Variants in MYO7A observed in about 807,000 individuals in gnomAD.
MYO7A encodes unconventional myosin-VIIa.
In MYO7A, 210 loss-of-function variants were observed where a neutral mutation model predicts 263.8. That is an observed-to-expected ratio of 0.80 (90% CI 0.71 to 0.89). The LOEUF (loss-of-function observed/expected upper bound fraction) is 0.89, where lower values mean the gene tolerates loss of function less well. Among genes scored for constraint, MYO7A ranks in the 40% least tolerant of loss-of-function variants. The pLI, the probability that MYO7A is intolerant of heterozygous loss-of-function variation, is 0.00. For synonymous variants in MYO7A, 1,239 were observed against 1,197.3 expected, an observed-to-expected ratio of 1.03 and a Z score of -0.72; for missense variants, 2,820 against 2,968.3, an observed-to-expected ratio of 0.95 and a Z score of 1.16.
chr11:77,181,523 G>A lies in MYO7A; in HGVS notation c.2838G>A (p.Met946Ile), dbSNP rs782311091. Residue 946 changes from methionine (M) to isoleucine (I), a missense_variant, in exon 23 of 49, where the codon ATG becomes ATA. Physicochemically the swap from Met to Ile is conservative, Grantham distance 10. Transcript: ENST00000409709. Reference sequence around the variant, plus strand: ...ATCACTCAGACATGGTGGACAAGATGTTTGGCTTCCTGGGGACTTCAGGTG... The same window carrying A: ...ATCACTCAGACATGGTGGACAAGATATTTGGCTTCCTGGGGACTTCAGGTG... ...PVNHSDMVDK[M>I]FGFLGTSGGL... The A allele has an allele frequency of 7.4e-6, 12 of 1,613,456 alleles. No individual in the cohort carries two copies. The highest frequency in any genetic ancestry group is 1.3e-5 in the African/African-American group (1 of 74,942).
intron 27 of MYO7A, among the ~76,000 whole-genome samples, chr11:77,188,494 C>T (rs1003267852): frequency 2.0e-5 from 3 of 151,948 alleles, no homozygotes; most frequent in Admixed American, 1.3e-4. Flanking sequence ...TAATCCCAGC[C>T]ATCCTTTGGG....
intron 1 of MYO7A, among the ~76,000 whole-genome samples, chr11:77,128,810 T>A (rs1950682289): frequency 6.6e-6 from 1 of 152,092 alleles, no homozygotes; most frequent in African/African-American, 2.4e-5. Context: ...AAGAGTCCGT[T>A]CTCTCTGTCT....
rs1955305633 is a variant in MYO7A, at chr11:77,182,337, CCAG to C, written c.3109-85_3109-83del. The C allele has an allele frequency of 9.5e-6, 14 of 1,475,000 alleles. No individual in the cohort carries two copies. In the East Asian group the frequency reaches 3.4e-4, roughly 36 times the overall value. The allele number at this position is 1,475,000 out of a possible 1,614,324, so 91.4% of individuals were successfully genotyped here. Reference sequence around the variant, plus strand: ...GCTGACCATGCGGGAGGGGGTGTCTCCAGCCCACTCCCCAAACCGCCAGGTCAT... The same window carrying C: ...GCTGACCATGCGGGAGGGGGTGTCTCCCCACTCCCCAAACCGCCAGGTCAT... On this transcript the variant is annotated intron_variant, in intron 24 of 48. Coordinates refer to ENST00000409709, the MANE Select transcript of MYO7A (RefSeq NM_000260.4).
chr11:77,179,632 G>T, intron 20 of MYO7A, 103 bp from the exon 21 acceptor site: 1 of 1,029,460 alleles, frequency 9.7e-7, no homozygotes, highest in African/African-American at 1.6e-5. Flanking sequence ...CCTTCTGGGG[G>T]TGCCTGTCTG....
intron 33 of MYO7A, among the ~76,000 whole-genome samples, chr11:77,198,044 C>G (rs1310473359): frequency 3.3e-5 from 5 of 152,248 alleles, no homozygotes; most frequent in African/African-American, 1.2e-4. Flanking sequence ...CCCTGCTGGG[C>G]CGACTCTGTG....
At chr11:77,170,827 G>A (rs1009848708) in intron 15 of MYO7A, among the ~76,000 whole-genome samples, 14 of 152,164 alleles carry the variant, frequency 9.2e-5, no homozygotes, top group African/African-American at 2.9e-4. Flanking sequence ...TGGAGGAAGT[G>A]GTGAGGGGTC....
Position 77,182,669 on chromosome 11 carries a change from C to G in MYO7A, c.3285+69C>G, listed in dbSNP as rs1955344471. 5.2e-6 allele frequency: 8 copies of G among 1,523,972 alleles called. No homozygotes were observed. In the East Asian group the frequency reaches 1.6e-4, roughly 30 times the overall value. The allele number at this position is 1,523,972 out of a possible 1,614,324, so 94.4% of individuals were successfully genotyped here. On this transcript the variant is annotated intron_variant, in intron 25 of 48. Coordinates refer to ENST00000409709, the MANE Select transcript of MYO7A (RefSeq NM_000260.4). ...CAAGGAGGGCCGCTGGCATCACCAGCCTTGGGCTCCTCTGCAGAAAAAGGA... is the reference window on the plus strand; with the variant it reads ...CAAGGAGGGCCGCTGGCATCACCAGGCTTGGGCTCCTCTGCAGAAAAAGGA...
At position 77,192,036 on chromosome 11, in the gene MYO7A, C is replaced by T. The variant is rs765597176; in HGVS notation, c.3925-15C>T. ...CCTGACTCTGTGCCTGCTCCCCTCC[C>T]CTCTGTGCCCACAGGTGTCCTCCCT... is the stretch of plus-strand genomic sequence containing the variant. On this transcript the variant is annotated splice_polypyrimidine_tract_variant and intron_variant, in intron 30 of 48. Transcript: ENST00000409709. 1.7e-5 allele frequency: 28 copies of T among 1,607,260 alleles called. No homozygotes were observed. In the East Asian group the frequency reaches 2.7e-4, roughly 15 times the overall value.
In MYO7A at chr11:77,197,421, T is replaced by C. The variant is rs878933473; in HGVS notation, c.4324-60T>C. On this transcript the variant is annotated intron_variant, in intron 32 of 48. Coordinates refer to ENST00000409709, the MANE Select transcript of MYO7A (RefSeq NM_000260.4). ...CTGGCTAGAAGGCAGCAGCAGCTGA[T>C]TTTTAGAGCAAACTCACTCGTATGT... is the stretch of plus-strand genomic sequence containing the variant. 6.7e-6 allele frequency: 9 copies of C among 1,350,752 alleles called. No homozygotes were observed. In the South Asian group the frequency reaches 1.2e-4, roughly 19 times the overall value. The allele number at this position is 1,350,752 out of a possible 1,614,324, so 83.7% of individuals were successfully genotyped here.
rs540582097 is a variant in MYO7A at position 77,204,039 on chromosome 11, C to T, written c.5327-37C>T. ...CCTCCGGACCCCAGGCCAGTGCTCC[C>T]TCTATTCGGCACAAGCCCTTCCTTG... On this transcript the variant is annotated intron_variant, in intron 38 of 48. Transcript: ENST00000409709. 10 of 1,563,992 alleles carry T rather than the reference C, an allele frequency of 6.4e-6. No individual in the cohort carries two copies. In the East Asian group the frequency reaches 1.7e-4, roughly 26 times the overall value.
At chr11:77,162,690 C>G (rs975258423) in intron 13 of MYO7A, among the ~76,000 whole-genome samples, 163 bp from the exon 14 acceptor site, 3 of 152,150 alleles carry the variant, frequency 2.0e-5, no homozygotes, top group Non-Finnish European at 2.9e-5. Flanking sequence ...AATTCATCCA[C>G]TTAACAGATG....
intron 3 of MYO7A, among the ~76,000 whole-genome samples, chr11:77,143,891 G>A (rs1464815430): frequency 6.6e-6 from 1 of 152,184 alleles, no homozygotes; most frequent in East Asian, 1.9e-4. Flanking sequence ...GGAGTGGGCA[G>A]GAGCATCCCA....
At chr11:77,177,979 A>C (rs1371589272) in intron 19 of MYO7A, among the ~76,000 whole-genome samples, 3 of 152,086 alleles carry the variant, frequency 2.0e-5, no homozygotes, top group African/African-American at 7.3e-5. Context: ...TTGAGATTTT[A>C]TAAATTATTA....
rs2135722525 is a variant in MYO7A, at chr11:77,204,246, G to GGGC, written c.5480+20_5480+22dup. On this transcript the variant is annotated intron_variant, in intron 39 of 48. Transcript: ENST00000409709. ...CCACATCAGGTGAGCCAGGCACAGT[G>GGGC]GGCGGATGAGGGGCAGACCTCACCT... The GGGC allele has an allele frequency of 6.4e-7, 1 of 1,559,830 alleles. No individual in the cohort carries two copies. Among genetic ancestry groups the GGGC allele is most frequent in the East Asian group, 2.4e-5 (1 of 41,468 alleles).
rs782559447 is a variant in MYO7A, at chr11:77,166,089, G to A, written c.1724G>A (p.Gly575Glu). The A allele has an allele frequency of 1.2e-6, 2 of 1,613,876 alleles. No individual in the cohort carries two copies. The highest frequency in any genetic ancestry group is 1.7e-6 in the Non-Finnish European group (2 of 1,179,860). The change falls in exon 15 of 49, where the codon GGG becomes GAG. Residue 575 changes from glycine to glutamate, a missense_variant. Coordinates refer to ENST00000409709, the MANE Select transcript of MYO7A (RefSeq NM_000260.4). ...GAGAAGAACCGAGACACCCTGCATG[G>A]GGACATTATCCAGCTGGTCCACTCC... Reference protein sequence around the residue: ...FLEKNRDTLHGDIIQLVHSSR... With the variant: ...FLEKNRDTLHEDIIQLVHSSR...
At chr11:77,181,219 G>A (rs1003994080) in intron 22 of MYO7A, among the ~76,000 whole-genome samples, 161 bp from the exon 23 acceptor site, 1 of 152,204 alleles carries the variant, frequency 6.6e-6, no homozygotes, top group East Asian at 1.9e-4. Context: ...GCCTCTGAGT[G>A]GTCCAGAGGT....
At chr11:77,137,451 T>G (rs1284102918) in intron 2 of MYO7A, among the ~76,000 whole-genome samples, 10 of 151,950 alleles carry the variant, frequency 6.6e-5, no homozygotes, top group Non-Finnish European at 1.5e-4. Flanking sequence ...CTGGAGGCCT[T>G]GAAAAGAGAA....
chr11:77,153,784 C>A (rs1334829654), intron 4 of MYO7A, among the ~76,000 whole-genome samples: 1 of 152,138 alleles, frequency 6.6e-6, no homozygotes, highest in African/African-American at 2.4e-5. Flanking sequence ...CGGCTGGGCC[C>A]CCTGGCTCTC....
intron 45 of MYO7A, 38 bp from the exon 46 acceptor site, chr11:77,211,783 C>G (rs1957897931): frequency 3.2e-6 from 5 of 1,558,582 alleles, no homozygotes; most frequent in Non-Finnish European, 3.5e-6. Context: ...GGCCTGTCCC[C>G]AGGACTGAGC....
Sources: gnomAD v4.1 joint callset for allele counts (sites outside exome capture counted in the v4.1 genomes callset) on GRCh38, gnomAD v4.1.1 for gene constraint, MANE v1.5 for transcripts, NCBI Gene and HGNC (gene_info 2026-07-23, HGNC 2026-07-21) for gene names.